The following CD160 variants were observed in gnomAD, a reference collection of about 807,000 sequenced individuals.
CD160 encodes CD160 molecule, also known as CD160 antigen.
A neutral mutation model predicts 19.2 loss-of-function variants in CD160; 11 were observed. That is an observed-to-expected ratio of 0.57 (90% CI 0.36 to 0.95). CD160 has a LOEUF of 0.95. Ranked by LOEUF, CD160 falls within the 40% of genes least tolerant of loss-of-function variation. The pLI, the probability that CD160 is intolerant of heterozygous loss-of-function variation, is 0.01. For synonymous variants in CD160, 75 were observed against 81.1 expected, an observed-to-expected ratio of 0.93 and a Z score of 0.40; for missense variants, 182 against 213.2, an observed-to-expected ratio of 0.85 and a Z score of 0.91.
intron 1 of CD160, among the ~76,000 whole-genome samples, chr1:145,720,470 C>A (rs1039885398): frequency 6.6e-6 from 1 of 152,184 alleles, no homozygotes; most frequent in Admixed American, 6.5e-5. Flanking sequence ...CCAGCCCAAA[C>A]CTCTGTCTAC....
intron 1 of CD160, among the ~76,000 whole-genome samples, chr1:145,722,528 A>C (rs147586244): frequency 9.2e-5 from 14 of 152,362 alleles, no homozygotes; most frequent in African/African-American, 3.4e-4. Flanking sequence ...AAGGCTGAGC[A>C]TAGCGCCTGG....
chr1:145,723,915 C>T (rs1553708106), intron 1 of CD160, among the ~76,000 whole-genome samples: 2 of 152,140 alleles, frequency 1.3e-5, no homozygotes, highest in African/African-American at 4.8e-5. Context: ...ATAAAAAATG[C>T]TGCAGTGAAT....
intron 3 of CD160, among the ~76,000 whole-genome samples, chr1:145,730,319 TA>T (rs1559093020): frequency 6.6e-6 from 1 of 151,938 alleles, no homozygotes; most frequent in South Asian, 2.1e-4. Flanking sequence ...GACCTTGTTT[TA>T]AAAAAAAATT....
rs116222697 is a variant in CD160 at position 145,731,912 on chromosome 1, C to T, written c.400+842C>T. On this transcript the variant is annotated intron_variant, in intron 4 of 5. Transcript: ENST00000369288. The stretch of plus-strand genomic sequence containing the variant: ...CAGCTGGCCCTCATGAGTTCTAGCT[C>T]CTGGAATCAGAAACTAGAAAGGGGA... Among the ~76,000 whole-genome samples, 322 of 152,218 alleles carry T rather than the reference C, an allele frequency of 2.1e-3. 1 individual carries two copies. Among genetic ancestry groups the T allele is most frequent in the Non-Finnish European group, 3.1e-3 (213 of 68,030 alleles).
At chr1:145,727,962 G>C (rs967535190) in intron 2 of CD160, among the ~76,000 whole-genome samples, 3 of 152,300 alleles carry the variant, frequency 2.0e-5, no homozygotes, top group African/African-American at 4.8e-5. Flanking sequence ...AGAGCAATCT[G>C]ATTATAGTAG....
intron 4 of CD160, among the ~76,000 whole-genome samples, chr1:145,733,496 T>C (rs1248868602): frequency 6.6e-6 from 1 of 152,132 alleles, no homozygotes; most frequent in Admixed American, 6.6e-5. Flanking sequence ...CCTCCCCCCA[T>C]GAAAAACTGG....
intron 3 of CD160, among the ~76,000 whole-genome samples, chr1:145,729,168 G>T (rs1657181654): frequency 1.3e-5 from 2 of 152,142 alleles, no homozygotes; most frequent in Admixed American, 1.3e-4. Context: ...GTGAATCAAT[G>T]GCTGGGATTG....
In CD160 at chr1:145,730,746, T is replaced by C; in HGVS notation, c.76T>C (p.Cys26Arg). Residue 26 changes from cysteine (C) to arginine (R), a missense_variant and splice_region_variant, in exon 4 of 6, where the codon TGC (cysteine) becomes CGC (arginine). Cys to Arg is a radical substitution (Grantham distance 180). Coordinates refer to ENST00000369288, the MANE Select transcript of CD160 (RefSeq NM_007053.4). ...LAIVDIQSGG[C>R]INITSSASQE... is the part of the protein sequence containing the mutation. ...TAATTCTTCCCTTTCCATTCCAGGA[T>C]GCATTAACATCACCAGCTCAGCTTC... is the stretch of plus-strand genomic sequence containing the variant. 3 of 1,610,740 alleles carry C rather than the reference T, an allele frequency of 1.9e-6. No homozygotes were observed. The highest frequency in any genetic ancestry group is 2.5e-6 in the Non-Finnish European group (3 of 1,179,406).
At chr1:145,720,697 C>G (rs1457932679) in intron 1 of CD160, among the ~76,000 whole-genome samples, 1 of 152,180 alleles carries the variant, frequency 6.6e-6, no homozygotes, top group Non-Finnish European at 1.5e-5. Context: ...CTTCCTTGCC[C>G]TCTTGTCCCC....
intron 2 of CD160, among the ~76,000 whole-genome samples, chr1:145,726,183 C>T (rs1657044204): frequency 6.6e-6 from 1 of 152,064 alleles, no homozygotes; most frequent in Non-Finnish European, 1.5e-5. Flanking sequence ...GTGGGGATTC[C>T]TCAAGGATCT....
chr1:145,720,725 T>G (rs1656804269), intron 1 of CD160, among the ~76,000 whole-genome samples: 1 of 152,026 alleles, frequency 6.6e-6, no homozygotes, highest in Admixed American at 6.6e-5. Context: ...CCAGAAAACC[T>G]CTGGCAAAGC....
intron 5 of CD160, 145 bp downstream of exon 5, chr1:145,736,279 A>G (rs1024623840): frequency 5.1e-6 from 8 of 1,555,254 alleles, no homozygotes; most frequent in East Asian, 2.4e-5. Flanking sequence ...TATCCACAGG[A>G]AAGTTCAAAC....
At chr1:145,728,693 G>C (rs1553708729) in intron 3 of CD160, among the ~76,000 whole-genome samples, 1 of 151,770 alleles carries the variant, frequency 6.6e-6, no homozygotes, top group Non-Finnish European at 1.5e-5. Flanking sequence ...TAGTAGAGAC[G>C]GGGTTTCACC....
At chr1:145,724,739 T>A (rs1358314973) in intron 1 of CD160, 62 bp from the exon 2 acceptor site, 1 of 152,124 alleles carries the variant, frequency 6.6e-6, no homozygotes, top group Non-Finnish European at 1.5e-5. Flanking sequence ...ATTTTTAATA[T>A]CTTGTATGAT....
Position 145,738,596 on chromosome 1 carries a change from G to T in CD160, c.*103G>T. The T allele has an allele frequency of 1.5e-6, 1 of 679,942 alleles. No individual in the cohort carries two copies. Among genetic ancestry groups the T allele is most frequent in the African/African-American group, 1.8e-5 (1 of 54,256 alleles). 42.1% of individuals were successfully genotyped at this position (679,942 alleles called of 1,614,324 possible). The stretch of plus-strand genomic sequence containing the variant: ...ATAGGCACAGAGAAGAATGCAACAG[G>T]GCACAGGGGAAGAGATGCTAAATAT... On this transcript the variant is annotated 3_prime_UTR_variant, in exon 6 of 6. Transcript: ENST00000369288.
chr1:145,726,575 C>T (rs1372896067), intron 2 of CD160, among the ~76,000 whole-genome samples: 4 of 152,058 alleles, frequency 2.6e-5, no homozygotes, highest in Admixed American at 1.3e-4. Flanking sequence ...ACACCGATGA[C>T]GTTCCACGGG....
Position 145,730,990 on chromosome 1 carries a change from G to T in CD160, c.320G>T (p.Ser107Ile), listed in dbSNP as rs1298936269. ...ATAAGCCAAGTCACACCGTTGCACA[G>T]TGGGACCTACCAGTGTTGTGCCAGA... is the stretch of plus-strand genomic sequence containing the variant. Reference protein sequence around the residue: ...FTISQVTPLHSGTYQCCARSQ... With the variant: ...FTISQVTPLHIGTYQCCARSQ... Residue 107 changes from serine (S) to isoleucine (I), a missense_variant, in exon 4 of 6, where the codon AGT becomes ATT. Coordinates refer to ENST00000369288, the MANE Select transcript of CD160 (RefSeq NM_007053.4). 5 of 1,614,074 alleles carry T rather than the reference G, an allele frequency of 3.1e-6. No homozygotes were observed. Among genetic ancestry groups the T allele is most frequent in the Non-Finnish European group, 4.2e-6 (5 of 1,180,024 alleles).
chr1:145,735,309 G>A (rs1255086802), intron 4 of CD160, among the ~76,000 whole-genome samples: 1 of 151,862 alleles, frequency 6.6e-6, no homozygotes, highest in Non-Finnish European at 1.5e-5. Flanking sequence ...ATCTAGTCCA[G>A]GTGCAGTGTC....
intron 3 of CD160, among the ~76,000 whole-genome samples, chr1:145,729,801 C>T (rs1024988588): frequency 9.2e-5 from 14 of 152,150 alleles, no homozygotes; most frequent in African/African-American, 3.1e-4. Context: ...ATTCTCACTC[C>T]ATTTCCACAC....
Sources: gnomAD v4.1 joint callset for allele counts (sites outside exome capture counted in the v4.1 genomes callset) on GRCh38, gnomAD v4.1.1 for gene constraint, MANE v1.5 for transcripts, NCBI Gene and HGNC (gene_info 2026-07-23, HGNC 2026-07-21) for gene names.